Variants in ANAPC7 observed in about 807,000 individuals in gnomAD.
ANAPC7 encodes anaphase promoting complex subunit 7.
In ANAPC7, 25 loss-of-function variants were observed where a neutral mutation model predicts 63.3. The ratio of observed to expected loss-of-function variants is 0.39; its 90% CI spans 0.29 to 0.55. The LOEUF is 0.55. Among genes scored for constraint, ANAPC7 ranks in the 20% least tolerant of loss-of-function variants. The probability of loss-of-function intolerance (pLI) is 0.57; values close to 1 mark genes in which losing one functional copy is unlikely to be tolerated. For synonymous variants in ANAPC7, 241 were observed against 251.7 expected, an observed-to-expected ratio of 0.96 and a Z score of 0.40; for missense variants, 516 against 691.7, an observed-to-expected ratio of 0.75 and a Z score of 2.85.
chr12:110,377,783 TAAG>T, intron 8 of ANAPC7, 166 bp from the exon 9 acceptor site: 1 of 1,451,856 alleles, frequency 6.9e-7, no homozygotes, highest in South Asian at 1.4e-5. Flanking sequence ...ATGGAATAGC[TAAG>T]AAGTGCTCTT....
intron 3 of ANAPC7, among the ~76,000 whole-genome samples, chr12:110,389,118 T>G (rs1291291186): frequency 2.7e-5 from 4 of 148,444 alleles, no homozygotes; most frequent in South Asian, 4.2e-4. Flanking sequence ...GAAAAGAAAT[T>G]ACTACCCTTC....
chr12:110,381,244 G>A (rs1361944878), intron 8 of ANAPC7, among the ~76,000 whole-genome samples: 3 of 152,066 alleles, frequency 2.0e-5, no homozygotes, highest in Non-Finnish European at 4.4e-5. Flanking sequence ...CAAAAATATC[G>A]ATGTCTATTC....
intron 7 of ANAPC7, among the ~76,000 whole-genome samples, chr12:110,382,449 AAAAAAAAAAAAAATATATATATATATAT>A (rs1017581633): frequency 1.6e-4 from 9 of 57,270 alleles, no homozygotes; most frequent in African/African-American, 1.7e-4. Context: ...TTTAAAAAAA[AAAAAAAAAAAAAATATATATATATATAT>A]ATATATATAT....
At chr12:110,392,618 T>C (rs911943421) in intron 3 of ANAPC7, among the ~76,000 whole-genome samples, 1 of 152,226 alleles carries the variant, frequency 6.6e-6, no homozygotes, top group Non-Finnish European at 1.5e-5. Flanking sequence ...AATACTGATA[T>C]ATTCTCACAT....
At chr12:110,391,315 C>G (rs1883067448) in intron 3 of ANAPC7, among the ~76,000 whole-genome samples, 1 of 152,080 alleles carries the variant, frequency 6.6e-6, no homozygotes, top group Admixed American at 6.6e-5. Flanking sequence ...GTAAGAAATT[C>G]TATGTTGGTA....
rs150897727 is a variant in ANAPC7 at position 110,387,821 on chromosome 12, T to C, written c.592A>G (p.Asn198Asp). Reference protein sequence around the residue: ...MTMNVIQTVPNLDWLSVWIKA... With the variant: ...MTMNVIQTVPDLDWLSVWIKA... ...ATCCACACAGAGAGCCAGTCCAAGT[T>C]AGGCACGGTTTGGATCACATTCATT... The change falls in exon 5 of 11, where the codon AAC (asparagine) becomes GAC (aspartate). Residue 198 changes from asparagine (N) to aspartate (D), a missense_variant. Asn to Asp is a conservative substitution (Grantham distance 23). Transcript: ENST00000455511. 2 of 1,614,058 alleles carry C rather than the reference T, an allele frequency of 1.2e-6. No homozygotes were observed. Among genetic ancestry groups the C allele is most frequent in the African/African-American group, 1.3e-5 (1 of 74,928 alleles).
Position 110,395,094 on chromosome 12 carries a change from A to C in ANAPC7, c.408+7T>G. The C allele has an allele frequency of 6.2e-7, 1 of 1,611,544 alleles. No individual in the cohort carries two copies. Among genetic ancestry groups the C allele is most frequent in the Non-Finnish European group, 8.5e-7 (1 of 1,179,074 alleles). The stretch of plus-strand genomic sequence containing the variant: ...TGAGGAGAAAAACACATAAACATTC[A>C]ACTTACTTTGGGAGTTCTTTGTCTT... On this transcript the variant is annotated splice_region_variant and intron_variant, in intron 3 of 10. Coordinates refer to ENST00000455511, the MANE Select transcript of ANAPC7 (RefSeq NM_016238.3).
Position 110,376,201 on chromosome 12 carries a change from T to C in ANAPC7, c.1373A>G (p.Tyr458Cys). ...KAELLSREQK[Y>C]EDGIALLRNA... ...CCTCAGCAAAGCAATTCCATCTTCA[T>C]ATTTCTGTTCTCTGCCTGGGGGAAT... Residue 458 changes from tyrosine to cysteine, a missense_variant, in exon 10 of 11, where the codon TAT becomes TGT. Physicochemically the swap from Tyr to Cys is radical, Grantham distance 194. Transcript: ENST00000455511. 1.2e-6 allele frequency: 2 copies of C among 1,614,164 alleles called. No homozygotes were observed. Among genetic ancestry groups the C allele is most frequent in the Non-Finnish European group, 1.7e-6 (2 of 1,180,022 alleles).
chr12:110,376,607 T>C (rs1405567816), intron 9 of ANAPC7, among the ~76,000 whole-genome samples: 1 of 137,372 alleles, frequency 7.3e-6, no homozygotes, highest in Non-Finnish European at 1.6e-5. Flanking sequence ...GTTTGAATTA[T>C]AATGTTTTAA....
At chr12:110,383,011 G>A in intron 6 of ANAPC7, 51 bp from the exon 7 acceptor site, 1 of 1,448,104 alleles carries the variant, frequency 6.9e-7, no homozygotes, top group Non-Finnish European at 9.6e-7. Flanking sequence ...GAGAAGCAGG[G>A]GTCCCACATA....
Position 110,374,032 on chromosome 12 carries a change from GC to G in ANAPC7, c.*111del, listed in dbSNP as rs1881034170. The G allele has an allele frequency of 4.8e-6, 6 of 1,257,912 alleles. No individual in the cohort carries two copies. The highest frequency in any genetic ancestry group is 6.5e-6 in the Non-Finnish European group (6 of 926,974). The allele number at this position is 1,257,912 out of a possible 1,614,324, so 77.9% of individuals were successfully genotyped here. ...GAGCGAGGGGGCAGAGACCCCTGCT[GC>G]AATCACATGCTGAATCATTGTCCTT... On this transcript the variant is annotated 3_prime_UTR_variant, in exon 11 of 11. Coordinates refer to ENST00000455511, the MANE Select transcript of ANAPC7 (RefSeq NM_016238.3).
At position 110,396,315 on chromosome 12, in the gene ANAPC7, G is replaced by GC; in HGVS notation, c.238_239insG (p.Ser80CysfsTer22). 1 of 1,612,590 alleles carries GC rather than the reference G, an allele frequency of 6.2e-7. No homozygotes were observed. The highest frequency in any genetic ancestry group is 1.7e-5 in the Admixed American group (1 of 59,830). ...ATTTCCAGTTGAAGGTCTCACTTTT[G>GC]AAGTTTTACTTAGCGCTTTCTTCTG... On this transcript the variant is annotated frameshift_variant, in exon 2 of 11. Transcript: ENST00000455511. LOFTEE classifies it high-confidence loss of function.
chr12:110,387,612 C>G, intron 5 of ANAPC7, 127 bp downstream of exon 5: 1 of 1,109,442 alleles, frequency 9.0e-7, no homozygotes, highest in East Asian at 2.4e-5. Flanking sequence ...AAGACTAACA[C>G]ATCCCAGAGA....
intron 10 of ANAPC7, among the ~76,000 whole-genome samples, chr12:110,374,928 CA>C (rs1397424844): frequency 6.6e-6 from 1 of 152,134 alleles, no homozygotes; most frequent in Non-Finnish European, 1.5e-5. Context: ...CCCCCACCCC[CA>C]AAGTTCAGAG....
Position 110,381,967 on chromosome 12 carries a change from AAAAAAACAC to A in ANAPC7, c.936-28_936-20del. 1 of 1,513,198 alleles carries A rather than the reference AAAAAAACAC, an allele frequency of 6.6e-7. No homozygotes were observed. Among genetic ancestry groups the A allele is most frequent in the Non-Finnish European group, 8.8e-7 (1 of 1,140,192 alleles). The allele number at this position is 1,513,198 out of a possible 1,614,324, so 93.7% of individuals were successfully genotyped here. A position where few individuals can be genotyped will look rare whatever the true frequency, so the allele number is the denominator to read the frequency against. On this transcript the variant is annotated intron_variant, in intron 7 of 10. Transcript: ENST00000455511. Reference sequence around the variant, plus strand: ...GTGACAGCTGGAGAAAAAAAAAAAAAAAAAAACACAAAAACCCCAGAAGTTATCCAAGAG... The same window carrying A: ...GTGACAGCTGGAGAAAAAAAAAAAAAAAAAACCCCAGAAGTTATCCAAGAG...
At position 110,374,777 on chromosome 12, in the gene ANAPC7, T is replaced by A. The variant is rs114913824; in HGVS notation, c.1509-444A>T. On this transcript the variant is annotated intron_variant, in intron 10 of 10. Coordinates refer to ENST00000455511, the MANE Select transcript of ANAPC7 (RefSeq NM_016238.3). ...CATGTTCTTATGATGTAATTAAACATAGCAGCATTTCAGGAGCCAACCAAA... is the reference window on the plus strand; with the variant it reads ...CATGTTCTTATGATGTAATTAAACAAAGCAGCATTTCAGGAGCCAACCAAA... 4.4e-3 allele frequency among the ~76,000 whole-genome samples: 667 copies of A among 152,306 alleles called. 5 individuals carry two copies. Among genetic ancestry groups the A allele is most frequent in the African/African-American group, 0.015 (639 of 41,542 alleles).
Position 110,396,459 on chromosome 12 carries a change from A to T in ANAPC7, c.102-7T>A. On this transcript the variant is annotated splice_region_variant and splice_polypyrimidine_tract_variant and intron_variant, in intron 1 of 10. Transcript: ENST00000455511. ...AGGTGGGGAGAATAACTCACTAGAA[A>T]ACAAGAGAAAATGTAATACATCTTT... 6.3e-7 allele frequency: 1 copy of T among 1,586,654 alleles called. No homozygotes were observed. Among genetic ancestry groups the T allele is most frequent in the Non-Finnish European group, 8.5e-7 (1 of 1,170,234 alleles).
rs778494172 is a variant in ANAPC7 at position 110,387,743 on chromosome 12, T to C, written c.670A>G (p.Ile224Val). 5 of 1,611,390 alleles carry C rather than the reference T, an allele frequency of 3.1e-6. No homozygotes were observed. The highest frequency in any genetic ancestry group is 4.2e-6 in the Non-Finnish European group (5 of 1,177,854). Reference protein sequence around the residue: ...TGDNSRAISTICSLEKKSLLR... With the variant: ...TGDNSRAISTVCSLEKKSLLR... ...AATTAACTTTGTGGCTCTCACCAGATGGTACTGATTGCTCTTGAGTTGTCA... is the reference window on the plus strand; with the variant it reads ...AATTAACTTTGTGGCTCTCACCAGACGGTACTGATTGCTCTTGAGTTGTCA... Residue 224 changes from isoleucine to valine, a missense_variant, in exon 5 of 11, where the codon ATC becomes GTC. Ile to Val is a conservative substitution (Grantham distance 29). Transcript: ENST00000455511.
At chr12:110,399,089 C>T (rs1397397343) in intron 1 of ANAPC7, among the ~76,000 whole-genome samples, 6 of 149,378 alleles carry the variant, frequency 4.0e-5, no homozygotes, top group African/African-American at 1.2e-4. Context: ...GGCACAATCT[C>T]GGCTCACTAC....
Sources: allele counts gnomAD v4.1 joint callset (sites outside exome capture counted in the v4.1 genomes callset), GRCh38; gene constraint gnomAD v4.1.1; transcripts MANE v1.5; gene names NCBI Gene and HGNC (gene_info 2026-07-23, HGNC 2026-07-21).